KIF5C: variants seen among roughly 807,000 people sequenced by gnomAD.
KIF5C encodes the protein kinesin heavy chain isoform 5C.
Under a neutral mutation model 125.2 loss-of-function variants are expected in KIF5C, and 18 were observed. That is an observed-to-expected ratio of 0.14 (90% CI 0.10 to 0.21). KIF5C has a LOEUF of 0.21. Among genes scored for constraint, KIF5C ranks in the 10% least tolerant of loss-of-function variants. The probability of loss-of-function intolerance (pLI) is 1.00; values close to 1 mark genes in which losing one functional copy is unlikely to be tolerated. For missense variants in KIF5C, 780 were observed against 1,183.8 expected (o/e 0.66, Z 5.01); for synonymous variants, 405 against 434.0 (o/e 0.93, Z 0.83).
At chr2:148,962,231 T>C (rs1254393882) in intron 11 of KIF5C, 112 bp downstream of exon 11, 1 of 1,417,396 alleles carries the variant, frequency 7.1e-7, no homozygotes, top group Non-Finnish European at 9.3e-7. Flanking sequence ...AGTGGCGTGA[T>C]CTTGGCTCAC....
chr2:148,913,719 A>C (rs1574730806), intron 1 of KIF5C, among the ~76,000 whole-genome samples: 1 of 152,200 alleles, frequency 6.6e-6, no homozygotes, highest in East Asian at 1.9e-4. Flanking sequence ...ACCGGATGGT[A>C]CTGCACTGTG....
intron 8 of KIF5C, chr2:148,947,961 G>T: frequency 2.2e-6 from 1 of 456,666 alleles, no homozygotes; most frequent in Non-Finnish European, 4.4e-6. Context: ...TTACATCCAC[G>T]TGAGTAATGG....
chr2:148,907,646 A>G (rs898226804), intron 1 of KIF5C, among the ~76,000 whole-genome samples: 1 of 152,200 alleles, frequency 6.6e-6, no homozygotes, highest in Non-Finnish European at 1.5e-5. Context: ...CTGACCTGAA[A>G]TCCAGCCTGT....
intron 1 of KIF5C, among the ~76,000 whole-genome samples, chr2:148,905,648 T>G (rs1215258631): frequency 6.6e-6 from 1 of 152,176 alleles, no homozygotes; most frequent in African/African-American, 2.4e-5. Flanking sequence ...ATAGCACACA[T>G]GTAGTCATGC....
chr2:148,992,279 T>G (rs1408843191), intron 16 of KIF5C, among the ~76,000 whole-genome samples: 1 of 152,198 alleles, frequency 6.6e-6, no homozygotes, highest in Non-Finnish European at 1.5e-5. Context: ...AATTGATATA[T>G]TCATACATTG....
In KIF5C at chr2:149,000,652, G is replaced by A. The variant is rs75725504; in HGVS notation, c.2313-70G>A. On this transcript the variant is annotated intron_variant, in intron 20 of 25. Transcript: ENST00000435030. ...TGGTGGGTTTTGTTGATTTATCTGT[G>A]GATGCAAATAGTATCTGCTGAAATC... 3,853 of 1,594,576 alleles carry A rather than the reference G, an allele frequency of 2.4e-3. 85 individuals carry two copies. The African/African-American group carries it at 0.045, about 19-fold the overall frequency.
intron 1 of KIF5C, among the ~76,000 whole-genome samples, chr2:148,914,716 C>G (rs1289651381): frequency 6.8e-6 from 1 of 146,138 alleles, no homozygotes; most frequent in South Asian, 2.1e-4. Flanking sequence ...GGAACTGGCA[C>G]CAGCTGCTTT....
chr2:148,916,018 C>T lies in KIF5C; in HGVS notation c.127-6119C>T, dbSNP rs557671157. Among the ~76,000 whole-genome samples, 11 of 152,290 alleles carry T rather than the reference C, an allele frequency of 7.2e-5. 1 individual carries two copies. The highest frequency in any genetic ancestry group is 4.1e-4 in the South Asian group (2 of 4,822). On this transcript the variant is annotated intron_variant, in intron 1 of 25. Transcript: ENST00000435030. ...CCCACAACATCCCTTTGGCCTGTTG[C>T]GGGTGACCAAGAGGGCTCCAGCAGC...
rs569312584 is a variant in KIF5C at position 148,892,278 on chromosome 2, C to A, written c.126+16535C>A. On this transcript the variant is annotated intron_variant, in intron 1 of 25. Coordinates refer to ENST00000435030, the MANE Select transcript of KIF5C (RefSeq NM_004522.3). ...GAGGCACTAGTTCTTTGAGATATTACCTGATAAAAGGATTTGATGTCAATC... is the reference window on the plus strand; with the variant it reads ...GAGGCACTAGTTCTTTGAGATATTAACTGATAAAAGGATTTGATGTCAATC... 2.0e-5 allele frequency among the ~76,000 whole-genome samples: 3 copies of A among 152,278 alleles called. No homozygotes were observed. The South Asian group carries it at 6.2e-4, about 32-fold the overall frequency.
chr2:148,895,056 G>T (rs1156958470), intron 1 of KIF5C, among the ~76,000 whole-genome samples: 1 of 151,598 alleles, frequency 6.6e-6, no homozygotes, highest in African/African-American at 2.4e-5. Flanking sequence ...CACCCATGAG[G>T]CCACCTTTTG....
intron 1 of KIF5C, among the ~76,000 whole-genome samples, chr2:148,881,187 T>G (rs2105034393): frequency 6.6e-6 from 1 of 152,236 alleles, no homozygotes; most frequent in African/African-American, 2.4e-5. Flanking sequence ...CACAAATTAG[T>G]GCCCCTTCTG....
At chr2:148,887,111 A>G (rs1681549710) in intron 1 of KIF5C, among the ~76,000 whole-genome samples, 1 of 152,210 alleles carries the variant, frequency 6.6e-6, no homozygotes, top group South Asian at 2.1e-4. Flanking sequence ...TAGCCATCAA[A>G]TTTCAAAGAC....
intron 2 of KIF5C, among the ~76,000 whole-genome samples, chr2:148,925,877 T>G (rs1276429275): frequency 6.6e-6 from 1 of 152,222 alleles, no homozygotes; most frequent in Non-Finnish European, 1.5e-5. Context: ...AGATGCAGCA[T>G]GCCCTTGCCT....
At chr2:148,948,385 G>A (rs1235052317) in intron 8 of KIF5C, among the ~76,000 whole-genome samples, 4 of 151,738 alleles carry the variant, frequency 2.6e-5, no homozygotes, top group Non-Finnish European at 5.9e-5. Context: ...TTACTAGTAC[G>A]GGCTTGTAAC....
intron 3 of KIF5C, among the ~76,000 whole-genome samples, chr2:148,933,657 A>T (rs1449605109): frequency 6.6e-6 from 1 of 151,518 alleles, no homozygotes; most frequent in African/African-American, 2.4e-5. Context: ...CATTGTACAC[A>T]CACACAGACA....
chr2:149,021,541 C>T (rs1215838415), intron 25 of KIF5C, among the ~76,000 whole-genome samples: 1 of 151,614 alleles, frequency 6.6e-6, no homozygotes, highest in African/African-American at 2.4e-5. Context: ...CTGATTTATG[C>T]AAAATATGTG....
chr2:148,960,584 T>A (rs918047635), intron 10 of KIF5C, among the ~76,000 whole-genome samples: 1 of 152,234 alleles, frequency 6.6e-6, no homozygotes, highest in African/African-American at 2.4e-5. Flanking sequence ...AAGAGAGAGT[T>A]ATCCTAATTC....
chr2:148,922,310 G>A, intron 2 of KIF5C, 83 bp downstream of exon 2: 1 of 862,354 alleles, frequency 1.2e-6, no homozygotes, highest in South Asian at 1.7e-5. Flanking sequence ...AGGAATCAAT[G>A]TGCCTTGACT....
intron 22 of KIF5C, 48 bp downstream of exon 22, chr2:149,005,512 C>T (rs1268093606): frequency 1.2e-6 from 2 of 1,601,002 alleles, no homozygotes; most frequent in African/African-American, 1.3e-5. Flanking sequence ...TCAAAGATGG[C>T]AGGGAAGAAT....
Sources: gnomAD v4.1 joint callset for allele counts (sites outside exome capture counted in the v4.1 genomes callset) on GRCh38, gnomAD v4.1.1 for gene constraint, MANE v1.5 for transcripts, NCBI Gene and HGNC (gene_info 2026-07-23, HGNC 2026-07-21) for gene names.